Variants in GALK2 observed in about 807,000 individuals in gnomAD.
GALK2 encodes galactokinase 2.
A neutral mutation model predicts 52.4 loss-of-function variants in GALK2; 36 were observed. The observed-to-expected ratio is 0.69, with a 90% CI of 0.53 to 0.91. The LOEUF (loss-of-function observed/expected upper bound fraction) is 0.91. Ranked by LOEUF, GALK2 falls within the 40% of genes least tolerant of loss-of-function variation. GALK2 has a pLI of 0.00. For synonymous variants in GALK2, 176 were observed against 199.1 expected, an observed-to-expected ratio of 0.88 and a Z score of 0.98; for missense variants, 579 against 559.1, an observed-to-expected ratio of 1.04 and a Z score of -0.36.
At chr15:49,265,537 G>T (rs1347727169) in intron 5 of GALK2, among the ~76,000 whole-genome samples, 1 of 152,244 alleles carries the variant, frequency 6.6e-6, no homozygotes, top group Non-Finnish European at 1.5e-5. Flanking sequence ...GTGAGGCAAT[G>T]CCTCGCCCTG....
At chr15:49,266,709 A>G (rs2092374360) in intron 5 of GALK2, among the ~76,000 whole-genome samples, 1 of 152,122 alleles carries the variant, frequency 6.6e-6, no homozygotes, top group South Asian at 2.1e-4. Flanking sequence ...CCAGGTACCC[A>G]CTCCTGGATC....
intron 2 of GALK2, among the ~76,000 whole-genome samples, chr15:49,207,771 C>T (rs542543724): frequency 6.6e-6 from 1 of 152,046 alleles, no homozygotes; most frequent in East Asian, 1.9e-4. Flanking sequence ...TGCTAATGGT[C>T]TATCAATTTT....
intron 5 of GALK2, among the ~76,000 whole-genome samples, chr15:49,244,672 A>G (rs1420999803): frequency 1.3e-5 from 2 of 152,202 alleles, no homozygotes; most frequent in Non-Finnish European, 2.9e-5. Flanking sequence ...TCGCATGGGA[A>G]CTAGGAAATG....
intron 5 of GALK2, among the ~76,000 whole-genome samples, chr15:49,281,108 T>C (rs2032629677): frequency 6.6e-6 from 1 of 152,242 alleles, no homozygotes; most frequent in Non-Finnish European, 1.5e-5. Flanking sequence ...GTGCTGGGAT[T>C]ACAGGCGTAA....
chr15:49,277,137 A>T lies in GALK2; in HGVS notation c.505-4850A>T, dbSNP rs1009501674. Among the ~76,000 whole-genome samples the T allele has an allele frequency of 1.6e-3, 59 of 35,940 alleles. 1 individual carries two copies. Among genetic ancestry groups the T allele is most frequent in the Admixed American group, 8.6e-3 (17 of 1,978 alleles). 23.6% of individuals were successfully genotyped at this position (35,940 alleles called of 152,430 possible). On this transcript the variant is annotated intron_variant, in intron 5 of 9. Transcript: ENST00000560031. ...GCCAACACGCCCGGCTAATTTTTGTATTTTTTTTTTTTTTTTTTTTTTTTT... is the reference window on the plus strand; with the variant it reads ...GCCAACACGCCCGGCTAATTTTTGTTTTTTTTTTTTTTTTTTTTTTTTTTT...
intron 3 of GALK2, chr15:49,365,922 T>G (rs2151440529): frequency 1.0e-6 from 1 of 964,900 alleles, no homozygotes; most frequent in South Asian, 1.3e-5. Context: ...TTGCTGATAC[T>G]ATGCAGAAAA....
At chr15:49,200,617 G>A (rs1478541664) in intron 1 of GALK2, among the ~76,000 whole-genome samples, 3 of 152,174 alleles carry the variant, frequency 2.0e-5, no homozygotes, top group African/African-American at 7.2e-5. Flanking sequence ...CTACCAGAAG[G>A]TAGAAAGAGG....
chr15:49,363,067 G>A lies in GALK2; in HGVS notation c.427-4424G>A, dbSNP rs550613266. Among the ~76,000 whole-genome samples, 139 of 152,260 alleles carry A rather than the reference G, an allele frequency of 9.1e-4. 5 individuals carry two copies. In the South Asian group the frequency reaches 0.027, roughly 30 times the overall value. ...GAATTTGGGTAACATGATTCCTCCA[G>A]CTTTGTCCTTTTTGCTTAAGATTGT... On this transcript the variant is annotated intron_variant, in intron 3 of 3. Transcript: ENST00000558399.
At chr15:49,349,248 TACTC>T (rs905005747) in intron 3 of GALK2, among the ~76,000 whole-genome samples, 24 of 152,188 alleles carry the variant, frequency 1.6e-4, no homozygotes, top group Non-Finnish European at 2.6e-4. Context: ...ACAATACTCA[TACTC>T]ATTCATGTGA....
intron 2 of GALK2, 28 bp downstream of exon 2, chr15:49,201,278 T>G (rs771155566): frequency 3.2e-6 from 4 of 1,263,946 alleles, no homozygotes; most frequent in Non-Finnish European, 4.6e-6. Context: ...TCTCTTAATT[T>G]TTTTCTTCAT....
intron 5 of GALK2, among the ~76,000 whole-genome samples, chr15:49,244,866 A>G (rs1251907965): frequency 6.6e-6 from 1 of 152,202 alleles, no homozygotes; most frequent in Non-Finnish European, 1.5e-5. Context: ...AAGCCAAAAA[A>G]ACTGGTTAAT....
intron 5 of GALK2, among the ~76,000 whole-genome samples, chr15:49,267,617 A>G (rs1303844243): frequency 1.3e-5 from 2 of 152,096 alleles, no homozygotes; most frequent in African/African-American, 4.8e-5. Context: ...TTTTTCTTCT[A>G]CACATAATGC....
At chr15:49,274,717 T>C (rs901994145) in intron 5 of GALK2, among the ~76,000 whole-genome samples, 5 of 152,240 alleles carry the variant, frequency 3.3e-5, no homozygotes, top group African/African-American at 1.2e-4. Context: ...AGTGTTTCTT[T>C]ATATCCTTAT....
At chr15:49,361,454 T>G (rs2044224662) in intron 3 of GALK2, among the ~76,000 whole-genome samples, 1 of 152,156 alleles carries the variant, frequency 6.6e-6, no homozygotes, top group South Asian at 2.1e-4. Context: ...TGTGTCCACA[T>G]GTACTCAATG....
chr15:49,175,552 T>A lies in GALK2; in HGVS notation c.53+5177T>A, dbSNP rs1000755831. On this transcript the variant is annotated intron_variant, in intron 1 of 9. Coordinates refer to ENST00000560031, the MANE Select transcript of GALK2 (RefSeq NM_002044.4). ...TCTAATATTTTGCCATCAAATATGA[T>A]GTTTGCTGTTTCTGGTAAACATCCT... Among the ~76,000 whole-genome samples the A allele has an allele frequency of 2.0e-5, 3 of 152,192 alleles. No homozygotes were observed. In the South Asian group the frequency reaches 6.2e-4, roughly 32 times the overall value.
intron 3 of GALK2, among the ~76,000 whole-genome samples, chr15:49,231,174 A>G (rs2090481013): frequency 6.6e-6 from 1 of 152,176 alleles, no homozygotes; most frequent in Admixed American, 6.5e-5. Flanking sequence ...GATATACAGG[A>G]AGCATGGCTG....
intron 1 of GALK2, among the ~76,000 whole-genome samples, chr15:49,159,365 C>G (rs2084566159): frequency 6.6e-6 from 1 of 152,066 alleles, no homozygotes; most frequent in Non-Finnish European, 1.5e-5. Flanking sequence ...CACCTGAGGT[C>G]AGGAGTTTGA....
intron 5 of GALK2, among the ~76,000 whole-genome samples, chr15:49,265,605 C>A (rs1229912496): frequency 2.6e-5 from 4 of 152,240 alleles, no homozygotes; most frequent in Non-Finnish European, 2.9e-5. Context: ...TCTGGCACTC[C>A]CTAGGGAGAT....
At chr15:49,294,184 T>TAAATAAATAAATAAGC (rs1280444432) in intron 8 of GALK2, among the ~76,000 whole-genome samples, 1 of 140,518 alleles carries the variant, frequency 7.1e-6, no homozygotes, top group Non-Finnish European at 1.6e-5. Flanking sequence ...AATAAATAAA[T>TAAATAAATAAATAAGC]AAGCAAGCAA....
Sources: gnomAD v4.1 joint callset for allele counts (sites outside exome capture counted in the v4.1 genomes callset) on GRCh38, gnomAD v4.1.1 for gene constraint, MANE v1.5 for transcripts, NCBI Gene and HGNC (gene_info 2026-07-23, HGNC 2026-07-21) for gene names.